The following ASPG variants were observed in gnomAD, a reference collection of about 807,000 sequenced individuals.
ASPG encodes 60 kDa lysophospholipase.
ASPG carries 53 observed loss-of-function variants against 63.2 expected under a neutral mutation model. That is an observed-to-expected ratio of 0.84 (90% CI 0.67 to 1.05). The LOEUF (loss-of-function observed/expected upper bound fraction) is 1.05. ASPG is among the 50% of genes least tolerant of loss of function. ASPG has a pLI of 0.00. For synonymous variants in ASPG, 370 were observed against 355.0 expected (o/e 1.04, Z -0.48); for missense variants, 741 against 794.4 (o/e 0.93, Z 0.81).
At chr14:104,099,576 C>G (rs2036779758) in intron 6 of ASPG, among the ~76,000 whole-genome samples, 1 of 152,210 alleles carries the variant, frequency 6.6e-6, no homozygotes, top group Non-Finnish European at 1.5e-5. Context: ...CACTCCCTGG[C>G]CTACCGTCGC....
chr14:104,109,863 T>A lies in ASPG; in HGVS notation c.1520+548T>A, dbSNP rs1004801389. Among the ~76,000 whole-genome samples, 6 of 152,036 alleles carry A rather than the reference T, an allele frequency of 3.9e-5. No individual in the cohort carries two copies. Among genetic ancestry groups the A allele is most frequent in the Admixed American group, 2.0e-4 (3 of 15,272 alleles). Reference sequence around the variant, plus strand: ...CACCAGTGGCCAGTGTGCCTTCCGATCTCATGCTGCCGAGTGACCACCGAG... The same window carrying A: ...CACCAGTGGCCAGTGTGCCTTCCGAACTCATGCTGCCGAGTGACCACCGAG... On this transcript the variant is annotated intron_variant, in intron 13 of 15. Coordinates refer to ENST00000551177, the MANE Select transcript of ASPG (RefSeq NM_001080464.3). This position sits in a 1 kb window ranked among gnomAD's most constrained non-coding sequence, Gnocchi z 4.8.
intron 4 of ASPG, 58 bp from the exon 5 acceptor site, chr14:104,097,496 A>G (rs1007447637): frequency 2.3e-5 from 34 of 1,491,094 alleles, no homozygotes; most frequent in Non-Finnish European, 2.5e-5. Context: ...GAGATGAGCC[A>G]GACATCCCAG....
chr14:104,103,890 G>A (rs528513805), intron 7 of ASPG, among the ~76,000 whole-genome samples: 12 of 152,352 alleles, frequency 7.9e-5, no homozygotes, highest in Admixed American at 3.3e-4. Context: ...GGGTTGGGGC[G>A]CGGCTCACAG....
At chr14:104,099,338 C>T (rs982125627) in intron 6 of ASPG, among the ~76,000 whole-genome samples, 3 of 152,224 alleles carry the variant, frequency 2.0e-5, no homozygotes, top group Non-Finnish European at 4.4e-5. Flanking sequence ...GTAGCCTCGT[C>T]CCCAGGAGTT....
chr14:104,094,451 C>G (rs1407454186), intron 3 of ASPG, among the ~76,000 whole-genome samples: 1 of 145,244 alleles, frequency 6.9e-6, no homozygotes, highest in Non-Finnish European at 1.6e-5. Context: ...GGCAGAACCA[C>G]CCCCCGCCCC....
chr14:104,101,166 G>A (rs1281209797), intron 6 of ASPG, among the ~76,000 whole-genome samples: 2 of 152,170 alleles, frequency 1.3e-5, no homozygotes. Flanking sequence ...GCGTGTGGGT[G>A]TGGGAAACTG....
chr14:104,101,418 G>A (rs1033069793), intron 6 of ASPG, among the ~76,000 whole-genome samples: 9 of 152,256 alleles, frequency 5.9e-5, no homozygotes, highest in Admixed American at 2.0e-4. Flanking sequence ...GGGCTGGTCC[G>A]GGAGTCATGG....
At chr14:104,107,035 GC>G in intron 11 of ASPG, 141 bp downstream of exon 11, 1 of 1,323,706 alleles carries the variant, frequency 7.6e-7, no homozygotes, top group Non-Finnish European at 1.0e-6. Flanking sequence ...GGACTGTCCT[GC>G]CAGCTTGTCA....
At chr14:104,089,766 T>C (rs1161223323) in intron 1 of ASPG, among the ~76,000 whole-genome samples, 1 of 151,918 alleles carries the variant, frequency 6.6e-6, no homozygotes, top group Non-Finnish European at 1.5e-5. Context: ...CTTGCTAACA[T>C]GGCGAAACCC....
At chr14:104,102,445 G>T (rs1288145458) in intron 6 of ASPG, among the ~76,000 whole-genome samples, 2 of 152,164 alleles carry the variant, frequency 1.3e-5, no homozygotes, top group African/African-American at 2.4e-5. Flanking sequence ...TCCTGCCCAG[G>T]TTCCTGTCCC....
chr14:104,110,569 G>GGT lies in ASPG; in HGVS notation c.1521-923_1521-922dup, dbSNP rs1375228247. 8 of 985,130 alleles carry GGT rather than the reference G, an allele frequency of 8.1e-6. No individual in the cohort carries two copies. The highest frequency in any genetic ancestry group is 1.0e-3 in the Middle Eastern group (2 of 1,936). 61.0% of individuals were successfully genotyped at this position (985,130 alleles called of 1,614,324 possible). On this transcript the variant is annotated intron_variant, in intron 13 of 15. Coordinates refer to ENST00000551177, the MANE Select transcript of ASPG (RefSeq NM_001080464.3). The surrounding 1 kb of genome is among the most constrained non-coding windows in gnomAD (Gnocchi z 4.7). ...CCTCGGCTAGGCCTTCCTAGGGGCC[G>GGT]GTGTGTGTGTGGGGCTTGGCCTCTT...
intron 1 of ASPG, among the ~76,000 whole-genome samples, chr14:104,087,926 A>C (rs575487453): frequency 7.2e-5 from 11 of 152,156 alleles, no homozygotes; most frequent in Non-Finnish European, 1.3e-4. Flanking sequence ...GTGGGGCGTC[A>C]GTCTTCAGAC....
chr14:104,112,078 G>A (rs1401190020), intron 15 of ASPG, 78 bp downstream of exon 15: 48 of 1,344,308 alleles, frequency 3.6e-5, no homozygotes, highest in South Asian at 6.7e-5. Context: ...TCGGGGGGGC[G>A]TAATCAAGGG....
intron 5 of ASPG, among the ~76,000 whole-genome samples, chr14:104,098,436 G>A (rs1041128829): frequency 2.0e-5 from 3 of 152,186 alleles, no homozygotes; most frequent in Non-Finnish European, 2.9e-5. Flanking sequence ...GGGCTCCTGA[G>A]CAGGGGCCTC....
chr14:104,092,519 T>C, intron 1 of ASPG, 114 bp from the exon 2 acceptor site: 1 of 871,208 alleles, frequency 1.1e-6, no homozygotes, highest in Non-Finnish European at 1.8e-6. Context: ...AGCCTCTGAC[T>C]GTCATAAGAC....
At chr14:104,092,596 C>T in intron 1 of ASPG, 37 bp from the exon 2 acceptor site, 2 of 1,507,144 alleles carry the variant, frequency 1.3e-6, no homozygotes, top group South Asian at 1.2e-5. Context: ...TGGCTGTCAG[C>T]CCCTGACCCC....
At chr14:104,085,901 CG>C in intron 1 of ASPG, 49 bp downstream of exon 1, 1 of 1,512,906 alleles carries the variant, frequency 6.6e-7, no homozygotes. Context: ...TGGCCGCGAC[CG>C]GGAGCCTCGG....
chr14:104,092,638 G>A lies in ASPG; in HGVS notation c.88G>A (p.Val30Met). The A allele has an allele frequency of 6.5e-7, 1 of 1,535,456 alleles. No individual in the cohort carries two copies. The change falls in exon 2 of 16, where the codon GTG (valine) becomes ATG (methionine). Residue 30 changes from valine to methionine, a missense_variant. Val to Met is a conservative substitution (Grantham distance 21). Coordinates refer to ENST00000551177, the MANE Select transcript of ASPG (RefSeq NM_001080464.3). Reference sequence around the variant, plus strand: ...CACCTGGACTCTGCCTGCAGTGCTTGTGCCCGGGACGGGCCTGGCTGCCAT... The same window carrying A: ...CACCTGGACTCTGCCTGCAGTGCTTATGCCCGGGACGGGCCTGGCTGCCAT... ...IGMRSELGVLVPGTGLAAILR... is the reference protein window; with the variant it reads ...IGMRSELGVLMPGTGLAAILR...
At chr14:104,111,366 G>T (rs1164431819) in intron 13 of ASPG, 136 bp from the exon 14 acceptor site, 2 of 1,023,596 alleles carry the variant, frequency 2.0e-6, no homozygotes, top group Non-Finnish European at 2.8e-6. Context: ...TCCTGCCCCA[G>T]GACCAGGTCG....
Sources: gnomAD v4.1 joint callset for allele counts (sites outside exome capture counted in the v4.1 genomes callset) on GRCh38, gnomAD v4.1.1 for gene constraint, Gnocchi (gnomAD v3.1) non-coding constraint, MANE v1.5 for transcripts, NCBI Gene and HGNC (gene_info 2026-07-23, HGNC 2026-07-21) for gene names.